Variants in DPP8 observed in about 807,000 individuals in gnomAD.
DPP8 encodes DPP VIII.
A neutral mutation model predicts 107.5 loss-of-function variants in DPP8; 31 were observed. The ratio of observed to expected loss-of-function variants is 0.29; its 90% CI spans 0.22 to 0.39. The LOEUF (loss-of-function observed/expected upper bound fraction) is 0.39. Ranked by LOEUF, DPP8 falls within the 10% of genes least tolerant of loss-of-function variation. DPP8 has a pLI of 1.00. For missense variants in DPP8, 842 were observed against 1,076.1 expected, an observed-to-expected ratio of 0.78 and a Z score of 3.04; for synonymous variants, 381 against 356.6, an observed-to-expected ratio of 1.07 and a Z score of -0.77.
chr15:65,474,855 A>G (rs2066238582), intron 11 of DPP8, among the ~76,000 whole-genome samples: 2 of 152,262 alleles, frequency 1.3e-5, no homozygotes. Flanking sequence ...GAGTCTTTAC[A>G]ATACTCTGGA....
chr15:65,499,929 G>C (rs756191254), intron 4 of DPP8, among the ~76,000 whole-genome samples: 6 of 151,514 alleles, frequency 4.0e-5, no homozygotes, highest in South Asian at 4.2e-4. Context: ...ATAAGGTTTT[G>C]GTCTGTCATC....
At chr15:65,459,693 G>A (rs760554814) in intron 15 of DPP8, among the ~76,000 whole-genome samples, 16 of 151,784 alleles carry the variant, frequency 1.1e-4, no homozygotes, top group East Asian at 5.8e-4. Context: ...AGTGGCTCAC[G>A]CCTGTAATCC....
Position 65,500,774 on chromosome 15 carries a change from T to A in DPP8, c.378A>T (p.Thr126=). The A allele has an allele frequency of 6.2e-7, 1 of 1,607,186 alleles. No individual in the cohort carries two copies. The highest frequency in any genetic ancestry group is 1.1e-5 in the South Asian group (1 of 90,014). The change falls in exon 4 of 20, where the codon ACA becomes ACT. Residue 126 remains threonine, a synonymous_variant. Coordinates refer to ENST00000300141, the MANE Select transcript of DPP8 (RefSeq NM_130434.5). ...CTCGAGAATACATTCCATAGTCCAG[T>A]GTTGCCTAATGTGAAAGGAAAGTCA... ...WKPLLDLFQA[T]LDYGMYSREE... is the part of the protein sequence containing the mutation.
At position 65,489,654 on chromosome 15, in the gene DPP8, G is replaced by A. The variant is rs564967605; in HGVS notation, c.826+535C>T. 4.0e-5 allele frequency among the ~76,000 whole-genome samples: 6 copies of A among 148,336 alleles called. No homozygotes were observed. In the East Asian group the frequency reaches 6.0e-4, roughly 15 times the overall value. On this transcript the variant is annotated intron_variant, in intron 6 of 19. Transcript: ENST00000300141. ...AGGATGGTCTCGATCTCCTGACCTC[G>A]TGATCCACCTGCCTCAGCCTTCCAA...
chr15:65,491,160 CAA>C (rs764574499), intron 5 of DPP8, among the ~76,000 whole-genome samples: 28 of 55,016 alleles, frequency 5.1e-4, no homozygotes, highest in South Asian at 2.4e-3. Flanking sequence ...GACTCCGTCT[CAA>C]AAAAAAAAAA....
intron 8 of DPP8, 150 bp downstream of exon 8, chr15:65,484,949 G>A: frequency 4.6e-6 from 3 of 650,896 alleles, no homozygotes; most frequent in Non-Finnish European, 5.5e-6. Context: ...TGATTTGCAA[G>A]TAAAAAATTA....
At chr15:65,448,790 A>G (rs2063689522) in intron 19 of DPP8, among the ~76,000 whole-genome samples, 1 of 138,424 alleles carries the variant, frequency 7.2e-6, no homozygotes, top group Admixed American at 7.6e-5. Context: ...TAAAATATAC[A>G]TATATAATAT....
intron 5 of DPP8, among the ~76,000 whole-genome samples, chr15:65,496,542 T>A (rs992582363): frequency 6.6e-5 from 10 of 152,208 alleles, no homozygotes; most frequent in African/African-American, 2.4e-4. Context: ...CTTAGTATTA[T>A]CATAGCCACT....
chr15:65,469,653 C>CA (rs61311948), intron 12 of DPP8, among the ~76,000 whole-genome samples: 15,624 of 66,008 alleles, frequency 0.24, 1,777 homozygotes, highest in African/African-American at 0.4. Context: ...AACTCCGTCT[C>CA]AAAAAAAAAA....
chr15:65,476,540 C>A (rs2066405233), intron 11 of DPP8, among the ~76,000 whole-genome samples: 1 of 152,126 alleles, frequency 6.6e-6, no homozygotes, highest in African/African-American at 2.4e-5. Context: ...CAAATTAAAA[C>A]CCTGTGCACT....
chr15:65,459,099 G>A (rs1439523434), intron 15 of DPP8: 1 of 150,850 alleles, frequency 6.6e-6, no homozygotes, highest in Non-Finnish European at 1.5e-5. Context: ...TCAAACTCCT[G>A]GGCTCAACTA....
chr15:65,506,667 CAT>C (rs903874952), intron 3 of DPP8, among the ~76,000 whole-genome samples: 2 of 148,330 alleles, frequency 1.3e-5, no homozygotes, highest in African/African-American at 2.5e-5. Context: ...AACATATAAA[CAT>C]ATGTGCACTG....
intron 2 of DPP8, among the ~76,000 whole-genome samples, chr15:65,511,328 A>G: frequency 6.6e-6 from 1 of 152,138 alleles, no homozygotes; most frequent in Non-Finnish European, 1.5e-5. Flanking sequence ...CTCTACAAAA[A>G]AATTCAAAAC....
Position 65,490,235 on chromosome 15 carries a change from T to C in DPP8, c.780A>G (p.Glu260=). The C allele has an allele frequency of 6.2e-7, 1 of 1,613,738 alleles. No homozygotes were observed. Among genetic ancestry groups the C allele is most frequent in the South Asian group, 1.1e-5 (1 of 91,078 alleles). ...ACCAATAGCCAGAATATCTATCAAATTCTTCTTGGAGAACAAAGGTAGCGA... is the reference window on the plus strand; with the variant it reads ...ACCAATAGCCAGAATATCTATCAAACTCTTCTTGGAGAACAAAGGTAGCGA... ...AGVATFVLQE[E]FDRYSGYWWC... The change falls in exon 6 of 20, where the codon GAA becomes GAG. Residue 260 remains glutamate (E), a synonymous_variant. Coordinates refer to ENST00000300141, the MANE Select transcript of DPP8 (RefSeq NM_130434.5).
At chr15:65,462,489 G>C (rs1350065160) in intron 15 of DPP8, among the ~76,000 whole-genome samples, 2 of 152,094 alleles carry the variant, frequency 1.3e-5, no homozygotes, top group African/African-American at 4.8e-5. Flanking sequence ...TGAAAAGACT[G>C]TAATTATATT....
intron 8 of DPP8, among the ~76,000 whole-genome samples, chr15:65,483,617 A>AACATAACATAACATAACATAACATAAC (rs1567219431): frequency 1.3e-5 from 2 of 151,050 alleles, no homozygotes; most frequent in African/African-American, 4.8e-5. Flanking sequence ...AATAAAATAA[A>AACATAACATAACATAACATAACATAAC]ATAAAATAAA....
chr15:65,451,714 C>T (rs557497258), intron 18 of DPP8, among the ~76,000 whole-genome samples: 1 of 152,084 alleles, frequency 6.6e-6, no homozygotes, highest in South Asian at 2.1e-4. Context: ...AACTTGAGTT[C>T]AGGAGTTTGA....
At chr15:65,451,141 C>T (rs769001972) in intron 18 of DPP8, 31 bp from the exon 19 acceptor site, 3 of 1,309,822 alleles carry the variant, frequency 2.3e-6, no homozygotes, top group African/African-American at 2.9e-5. Flanking sequence ...GAGGATTAGG[C>T]AAAATAGTAG....
intron 3 of DPP8, among the ~76,000 whole-genome samples, chr15:65,503,088 A>G (rs1018802507): frequency 1.3e-5 from 2 of 152,118 alleles, no homozygotes; most frequent in Non-Finnish European, 2.9e-5. Context: ...ACCCAAAACA[A>G]TCTTGAAACA....
Sources: allele counts gnomAD v4.1 joint callset (sites outside exome capture counted in the v4.1 genomes callset), GRCh38; gene constraint gnomAD v4.1.1; transcripts MANE v1.5; gene names NCBI Gene and HGNC (gene_info 2026-07-23, HGNC 2026-07-21).